The following MGA variants were observed in gnomAD, a reference collection of about 807,000 sequenced individuals.
MGA encodes the protein MAX dimerization protein MGA.
A neutral mutation model predicts 261.1 loss-of-function variants in MGA; 40 were observed. The ratio of observed to expected loss-of-function variants is 0.15; its 90% CI spans 0.12 to 0.20. MGA has a LOEUF of 0.20. Ranked by LOEUF, MGA falls within the 10% of genes least tolerant of loss-of-function variation. The probability of loss-of-function intolerance (pLI) is 1.00; values close to 1 mark genes in which losing one functional copy is unlikely to be tolerated. For synonymous variants in MGA, 1,302 were observed against 1,290.6 expected, an observed-to-expected ratio of 1.01 and a Z score of -0.19; for missense variants, 3,397 against 3,630.5, an observed-to-expected ratio of 0.94 and a Z score of 1.65.
chr15:41,696,165 T>A lies in MGA; in HGVS notation c.1155T>A (p.Pro385=). 1 of 1,613,964 alleles carries A rather than the reference T, an allele frequency of 6.2e-7. No homozygotes were observed. The highest frequency in any genetic ancestry group is 1.1e-5 in the South Asian group (1 of 91,078). The change falls in exon 3 of 24, where the codon CCT becomes CCA. Residue 385 remains proline, a synonymous_variant. Coordinates refer to ENST00000219905, the MANE Select transcript of MGA (RefSeq NM_001164273.2). The stretch of plus-strand genomic sequence containing the variant: ...TCAATGTTGTTATTAAAGAGGAACC[T>A]CTAGATGATTATGACTACGAACTTG...
At chr15:41,660,650 C>G (rs1193137488) in intron 1 of MGA, 125 bp downstream of exon 1, 2 of 152,588 alleles carry the variant, frequency 1.3e-5, no homozygotes, top group African/African-American at 4.8e-5. Context: ...CTTCGCACGC[C>G]CTCGCCAGGC....
intron 2 of MGA, chr15:41,691,459 A>G (rs575175840): frequency 1.1e-4 from 27 of 250,128 alleles, no homozygotes; most frequent in Non-Finnish European, 2.2e-4. Flanking sequence ...TTCCATATAC[A>G]AGATCATTTA....
In MGA at chr15:41,687,721, CT is replaced by C. The variant is rs1466826651; in HGVS notation, c.1065-8351del. Among the ~76,000 whole-genome samples the C allele has an allele frequency of 3.9e-5, 6 of 152,180 alleles. No homozygotes were observed. The South Asian group carries it at 6.2e-4, about 16-fold the overall frequency. ...ACCTTTGGAAATTATCAAGGGTTTG[CT>C]TTATTGTCTAGGGTGTCATCTGTTT... is the stretch of plus-strand genomic sequence containing the variant. On this transcript the variant is annotated intron_variant, in intron 2 of 23. Coordinates refer to ENST00000219905, the MANE Select transcript of MGA (RefSeq NM_001164273.2).
intron 1 of MGA, among the ~76,000 whole-genome samples, chr15:41,667,271 G>C (rs994300157): frequency 1.3e-5 from 2 of 151,122 alleles, no homozygotes; most frequent in African/African-American, 2.4e-5. Context: ...TTTTGAGTCA[G>C]AGTCTCGCTC....
At chr15:41,762,424 G>T in intron 22 of MGA, 62 bp downstream of exon 22, 1 of 922,276 alleles carries the variant, frequency 1.1e-6, no homozygotes, top group South Asian at 1.8e-5. Flanking sequence ...TTAGTGGACT[G>T]ACCACCTTCT....
chr15:41,759,393 G>A (rs970394799), intron 19 of MGA, among the ~76,000 whole-genome samples: 6 of 151,532 alleles, frequency 4.0e-5, no homozygotes, highest in Non-Finnish European at 7.4e-5. Context: ...GAGGATCCAG[G>A]TACAAGTTCA....
At chr15:41,645,275 G>C (rs538013288) in intron 1 of MGA, among the ~76,000 whole-genome samples, 1 of 152,180 alleles carries the variant, frequency 6.6e-6, no homozygotes, top group Non-Finnish European at 1.5e-5. Context: ...GAGCCTGTTA[G>C]TCTCTTGGAA....
At chr15:41,760,145 T>G in intron 19 of MGA, 178 bp from the exon 20 acceptor site, 1 of 599,968 alleles carries the variant, frequency 1.7e-6, no homozygotes. Flanking sequence ...ACTGTTGGCA[T>G]TGTAAGAGTT....
At chr15:41,623,425 GA>G (rs1386516738) in intron 1 of MGA, among the ~76,000 whole-genome samples, 1 of 152,122 alleles carries the variant, frequency 6.6e-6, no homozygotes, top group South Asian at 2.1e-4. Context: ...ACTGTTTGGA[GA>G]AAAAATGGGA....
chr15:41,701,423 T>C (rs202231363), intron 5 of MGA, among the ~76,000 whole-genome samples: 1 of 152,220 alleles, frequency 6.6e-6, no homozygotes, highest in East Asian at 1.9e-4. Flanking sequence ...TGGCTAAGCT[T>C]TGACTGTTTT....
chr15:41,686,537 A>AT (rs903107520), intron 2 of MGA, among the ~76,000 whole-genome samples: 5 of 150,024 alleles, frequency 3.3e-5, no homozygotes, highest in South Asian at 2.1e-4. Context: ...TAAAAAAAAA[A>AT]TTTTTTTTTT....
intron 2 of MGA, among the ~76,000 whole-genome samples, chr15:41,677,923 A>C (rs2058469243): frequency 6.6e-6 from 1 of 151,958 alleles, no homozygotes; most frequent in Admixed American, 6.6e-5. Context: ...CAAGTTTTTA[A>C]TTTTAATGAA....
chr15:41,711,316 A>G lies in MGA; in HGVS notation c.3051A>G (p.Ala1017=). ...GGACATACATCACAGAAGAGCGAGC[A>G]GATGTATCCTTAACAACTCTACTTA... Residue 1017 remains alanine, a synonymous_variant, in exon 8 of 24, where the codon GCA becomes GCG. Coordinates refer to ENST00000219905, the MANE Select transcript of MGA (RefSeq NM_001164273.2). 6.2e-7 allele frequency: 1 copy of G among 1,612,124 alleles called. No homozygotes were observed. The highest frequency in any genetic ancestry group is 1.3e-5 in the African/African-American group (1 of 74,984).
intron 1 of MGA, among the ~76,000 whole-genome samples, chr15:41,665,743 A>G (rs2057697459): frequency 6.6e-6 from 1 of 152,126 alleles, no homozygotes; most frequent in African/African-American, 2.4e-5. Context: ...GTATACACCA[A>G]AAAGAAATCC....
Position 41,768,520 on chromosome 15 carries a change from G to T in MGA, c.*1240G>T, listed in dbSNP as rs1232634303. 6.6e-6 allele frequency: 1 copy of T among 152,532 alleles called. No individual in the cohort carries two copies. The highest frequency in any genetic ancestry group is 1.5e-5 in the Non-Finnish European group (1 of 68,028). 9.4% of individuals were successfully genotyped at this position (152,532 alleles called of 1,614,324 possible). A position where few individuals can be genotyped will look rare whatever the true frequency, so the allele number is the denominator to read the frequency against. The stretch of plus-strand genomic sequence containing the variant: ...TAAATAATCATGGTGCACTTGAGGG[G>T]TCTCTTGGAAACTCCTAGGGGGTCA... On this transcript the variant is annotated 3_prime_UTR_variant, in exon 24 of 24. Transcript: ENST00000219905.
intron 19 of MGA, among the ~76,000 whole-genome samples, chr15:41,759,281 T>C (rs780950024): frequency 1.4e-4 from 21 of 152,098 alleles, no homozygotes; most frequent in African/African-American, 2.4e-4. Flanking sequence ...ATAGATAGCA[T>C]TGAAAATGGA....
chr15:41,765,652 G>A (rs1480307313), intron 23 of MGA, among the ~76,000 whole-genome samples: 3 of 152,188 alleles, frequency 2.0e-5, no homozygotes, highest in Non-Finnish European at 4.4e-5. Flanking sequence ...TTCCCATGCT[G>A]CCTTTAGGGC....
At chr15:41,679,195 C>T (rs145290340) in intron 2 of MGA, among the ~76,000 whole-genome samples, 2,134 of 151,928 alleles carry the variant, frequency 0.014, 41 homozygotes, top group Non-Finnish European at 0.02. Flanking sequence ...ACCACTGTGC[C>T]CGGCTAATTT....
chr15:41,707,664 A>C, intron 5 of MGA, 64 bp from the exon 6 acceptor site: 2 of 1,464,706 alleles, frequency 1.4e-6, no homozygotes, highest in East Asian at 2.4e-5. Flanking sequence ...AGTTAAAAAC[A>C]AAGAAGGGAG....
Sources: gnomAD v4.1 joint callset for allele counts (sites outside exome capture counted in the v4.1 genomes callset) on GRCh38, gnomAD v4.1.1 for gene constraint, MANE v1.5 for transcripts, NCBI Gene and HGNC (gene_info 2026-07-23, HGNC 2026-07-21) for gene names.